PDE8B: variants seen among roughly 807,000 people sequenced by gnomAD.
PDE8B encodes the protein high affinity cAMP-specific and IBMX-insensitive 3',5'-cyclic phosphodiesterase 8B.
In PDE8B, 26 loss-of-function variants were observed where a neutral mutation model predicts 101.3. The ratio of observed to expected loss-of-function variants is 0.26; its 90% CI spans 0.19 to 0.36. The LOEUF (loss-of-function observed/expected upper bound fraction) is 0.36, where lower values mean the gene tolerates loss of function less well. PDE8B is among the 10% of genes least tolerant of loss of function. PDE8B has a pLI of 1.00. For missense variants in PDE8B, 810 were observed against 1,163.1 expected (o/e 0.70, Z 4.42); for synonymous variants, 424 against 429.3 (o/e 0.99, Z 0.15).
intron 1 of PDE8B, among the ~76,000 whole-genome samples, chr5:77,231,359 T>G (rs1753524752): frequency 6.6e-6 from 1 of 152,220 alleles, no homozygotes; most frequent in Non-Finnish European, 1.5e-5. Flanking sequence ...TGCTTTTTAC[T>G]TGGATTAAAC....
At chr5:77,202,192 T>C in the PDE8B span, among the ~76,000 whole-genome samples, 1 of 152,372 alleles carries the variant, frequency 6.6e-6, no homozygotes, top group African/African-American at 2.4e-5. Context: ...ATTATCCCAT[T>C]CCTGGGTTAT....
At chr5:77,303,097 G>A (rs956204419) in intron 1 of PDE8B, among the ~76,000 whole-genome samples, 1 of 152,092 alleles carries the variant, frequency 6.6e-6, no homozygotes, top group African/African-American at 2.4e-5. Flanking sequence ...AGTGGCTAAT[G>A]CTCCATTAAT....
intron 11 of PDE8B, among the ~76,000 whole-genome samples, chr5:77,404,144 T>C (rs1792903901): frequency 6.6e-6 from 1 of 152,060 alleles, no homozygotes; most frequent in Admixed American, 6.6e-5. Flanking sequence ...TGCTCAACCA[T>C]GCCCGGCTAA....
the PDE8B span, among the ~76,000 whole-genome samples, chr5:77,124,044 A>G: frequency 1.3e-5 from 2 of 152,258 alleles, no homozygotes; most frequent in Non-Finnish European, 2.9e-5. Flanking sequence ...AGCCTAGAAC[A>G]TACCTCAAAA....
intron 1 of PDE8B, among the ~76,000 whole-genome samples, chr5:77,283,268 A>C (rs1168604691): frequency 6.6e-6 from 1 of 152,134 alleles, no homozygotes; most frequent in South Asian, 2.1e-4. Flanking sequence ...AGCCATATGC[A>C]CAGCCTCTTC....
intron 1 of PDE8B, among the ~76,000 whole-genome samples, chr5:77,260,590 T>A (rs1760352869): frequency 6.9e-6 from 1 of 144,104 alleles, no homozygotes; most frequent in Admixed American, 6.8e-5. Flanking sequence ...TCATTTTTTT[T>A]TTTTTTTTTT....
the PDE8B span, among the ~76,000 whole-genome samples, chr5:77,127,501 G>A: frequency 6.6e-6 from 1 of 152,034 alleles, no homozygotes; most frequent in Non-Finnish European, 1.5e-5. Flanking sequence ...AAATTACCCA[G>A]TCTTAGGTAT....
chr5:77,407,804 A>G (rs1257447904), intron 13 of PDE8B, among the ~76,000 whole-genome samples: 2 of 152,172 alleles, frequency 1.3e-5, no homozygotes, highest in Non-Finnish European at 2.9e-5. Context: ...GCCAGGGAAA[A>G]AGCATTGCAA....
At chr5:77,158,214 T>C in the PDE8B span, among the ~76,000 whole-genome samples, 95 of 152,196 alleles carry the variant, frequency 6.2e-4, no homozygotes, top group African/African-American at 2.2e-3. Flanking sequence ...GCTGGAGATA[T>C]AAAGAAATGG....
intron 10 of PDE8B, among the ~76,000 whole-genome samples, 175 bp from the exon 11 acceptor site, chr5:77,400,073 A>G (rs1159529388): frequency 2.0e-5 from 3 of 152,200 alleles, no homozygotes; most frequent in Non-Finnish European, 4.4e-5. Flanking sequence ...AAAGTAACAG[A>G]GCCTTTGGAT....
intron 1 of PDE8B, among the ~76,000 whole-genome samples, chr5:77,260,190 AAAAG>A (rs1760230006): frequency 1.3e-5 from 2 of 151,856 alleles, no homozygotes; most frequent in Non-Finnish European, 2.9e-5. Context: ...AAAGAAAAAA[AAAAG>A]AAAGAAAGCT....
intron 1 of PDE8B, among the ~76,000 whole-genome samples, chr5:77,297,808 CA>C (rs1391415290): frequency 1.3e-5 from 2 of 152,112 alleles, no homozygotes; most frequent in African/African-American, 4.8e-5. Context: ...TTCCATCTGC[CA>C]AAAATGCTCC....
At chr5:77,420,046 A>C (rs572151500) in intron 19 of PDE8B, among the ~76,000 whole-genome samples, 159 bp downstream of exon 19, 61 of 152,272 alleles carry the variant, frequency 4.0e-4, no homozygotes, top group Non-Finnish European at 7.2e-4. Flanking sequence ...TTCCTTGGGG[A>C]TGAAAATAAA....
intron 7 of PDE8B, among the ~76,000 whole-genome samples, chr5:77,347,348 G>T (rs1313374807): frequency 6.6e-6 from 1 of 152,160 alleles, no homozygotes; most frequent in South Asian, 2.1e-4. Flanking sequence ...TTGAACTTGG[G>T]TGCCTTGGCT....
intron 1 of PDE8B, among the ~76,000 whole-genome samples, chr5:77,296,137 T>TTCC (rs1374963894): frequency 1.3e-5 from 2 of 150,992 alleles, no homozygotes; most frequent in South Asian, 4.2e-4. Context: ...CCTCCTCTTC[T>TTCC]TCCTCCTCCT....
chr5:77,342,197 CTG>C (rs1397347457), intron 6 of PDE8B, among the ~76,000 whole-genome samples: 4 of 152,210 alleles, frequency 2.6e-5, no homozygotes, highest in Non-Finnish European at 5.9e-5. Flanking sequence ...AAGTATTACT[CTG>C]TGATCTTAAA....
chr5:77,121,319 T>C, the PDE8B span, among the ~76,000 whole-genome samples: 1 of 152,284 alleles, frequency 6.6e-6, no homozygotes, highest in Non-Finnish European at 1.5e-5. Context: ...TCACAGTAGG[T>C]CTGCTGAGTG....
chr5:77,392,550 T>C (rs1028943583), intron 10 of PDE8B, among the ~76,000 whole-genome samples: 3 of 152,172 alleles, frequency 2.0e-5, no homozygotes, highest in African/African-American at 4.8e-5. Flanking sequence ...ACAGTAGGTA[T>C]GTGCTTTTAC....
intron 10 of PDE8B, among the ~76,000 whole-genome samples, chr5:77,355,730 C>T (rs561999406): frequency 6.6e-6 from 1 of 152,324 alleles, no homozygotes; most frequent in Admixed American, 6.5e-5. Flanking sequence ...GGACACAATG[C>T]ATCTGCCCCC....
Sources: allele counts gnomAD v4.1 joint callset (sites outside exome capture counted in the v4.1 genomes callset), GRCh38; gene constraint gnomAD v4.1.1; transcripts MANE v1.5; gene names NCBI Gene and HGNC (gene_info 2026-07-23, HGNC 2026-07-21).